Variants in CEP295 observed in about 807,000 individuals in gnomAD.
The protein encoded by CEP295 is centrosomal protein of 295 kDa.
A neutral mutation model predicts 291.6 loss-of-function variants in CEP295; 190 were observed. The ratio of observed to expected loss-of-function variants is 0.65; its 90% CI spans 0.58 to 0.73. CEP295 has a LOEUF of 0.73. Ranked by LOEUF, CEP295 falls within the 30% of genes least tolerant of loss-of-function variation. The pLI, the probability that CEP295 is intolerant of heterozygous loss-of-function variation, is 0.00. For missense variants in CEP295, 2,863 were observed against 2,949.4 expected (o/e 0.97, Z 0.68); for synonymous variants, 993 against 1,038.8 (o/e 0.96, Z 0.85).
At position 93,702,920 on chromosome 11, in the gene CEP295, G is replaced by A. The variant is rs1162991119; in HGVS notation, c.5596+1G>A. 4 of 1,524,330 alleles carry A rather than the reference G, an allele frequency of 2.6e-6. No homozygotes were observed. The East Asian group carries it at 7.4e-5, about 28-fold the overall frequency. 94.4% of individuals were successfully genotyped at this position (1,524,330 alleles called of 1,614,324 possible). On this transcript the variant is annotated splice_donor_variant, in intron 17 of 29. Coordinates refer to ENST00000325212, the MANE Select transcript of CEP295 (RefSeq NM_033395.2). LOFTEE classifies it high-confidence loss of function. Reference sequence around the variant, plus strand: ...GCAATTGGCAGAACTTCTATACTAGGTAAATAGATGCTTTGATAAAACAAG... The same window carrying A: ...GCAATTGGCAGAACTTCTATACTAGATAAATAGATGCTTTGATAAAACAAG...
In CEP295 at chr11:93,721,804, G is replaced by A. The variant is rs763149039; in HGVS notation, c.5851-150G>A. 4.2e-6 allele frequency: 3 copies of A among 719,554 alleles called. No homozygotes were observed. The Admixed American group carries it at 5.7e-5, about 14-fold the overall frequency. 44.6% of individuals were successfully genotyped at this position (719,554 alleles called of 1,614,324 possible). A position where few individuals can be genotyped will look rare whatever the true frequency, so the allele number is the denominator to read the frequency against. ...GAAAGCCTAATCATTTCTGGGCAAT[G>A]ATGAAAAGGTTTTACTACTGATCTT... On this transcript the variant is annotated intron_variant, in intron 19 of 29. Transcript: ENST00000325212.
At position 93,719,243 on chromosome 11, in the gene CEP295, C is replaced by CG. The variant is rs1397082823; in HGVS notation, c.5750-2066dup. ...GTGTGTGTGGGTTGTTTTTTTTTTC[C>CG]GGGTTTTTTTTTTTTTTCCTGTTTT... On this transcript the variant is annotated intron_variant, in intron 18 of 29. Coordinates refer to ENST00000325212, the MANE Select transcript of CEP295 (RefSeq NM_033395.2). Among the ~76,000 whole-genome samples, 184 of 126,624 alleles carry CG rather than the reference C, an allele frequency of 1.5e-3. 1 individual carries two copies. The highest frequency in any genetic ancestry group is 5.0e-3 in the African/African-American group (164 of 32,838). The allele number at this position is 126,624 out of a possible 152,430, so 83.1% of individuals were successfully genotyped here.
At position 93,724,722 on chromosome 11, in the gene CEP295, G is replaced by A. The variant is rs184924978; in HGVS notation, c.6318+347G>A. ...GTGGAGGCTGCAGTGAGCTGAGATC[G>A]TGCCACTACACTCCAGTCTGGGTGA... On this transcript the variant is annotated intron_variant, in intron 22 of 29. Transcript: ENST00000325212. Among the ~76,000 whole-genome samples, 752 of 152,026 alleles carry A rather than the reference G, an allele frequency of 4.9e-3. 10 individuals are homozygous for A. The highest frequency in any genetic ancestry group is 0.017 in the African/African-American group (691 of 41,480).
chr11:93,671,485 A>G (rs765358107), intron 5 of CEP295, among the ~76,000 whole-genome samples: 3 of 152,298 alleles, frequency 2.0e-5, no homozygotes, highest in Non-Finnish European at 4.4e-5. Flanking sequence ...GCCCCAGCAA[A>G]TGACCTAGGC....
intron 7 of CEP295, among the ~76,000 whole-genome samples, chr11:93,682,432 C>T (rs1442040972): frequency 1.3e-5 from 2 of 152,124 alleles, no homozygotes; most frequent in African/African-American, 2.4e-5. Context: ...CCATATTGGC[C>T]AGGCTGGCCT....
chr11:93,729,097 T>C, intron 25 of CEP295: 1 of 496,338 alleles, frequency 2.0e-6, no homozygotes, highest in East Asian at 3.2e-5. Context: ...AAGTTTTACC[T>C]AAACTTATTC....
At chr11:93,668,251 C>A (rs949310711) in intron 3 of CEP295, among the ~76,000 whole-genome samples, 1 of 152,106 alleles carries the variant, frequency 6.6e-6, no homozygotes, top group Admixed American at 6.6e-5. Flanking sequence ...ACTACAGTCC[C>A]AGAATCAGTC....
chr11:93,727,745 C>G, intron 24 of CEP295, 108 bp downstream of exon 24: 1 of 869,730 alleles, frequency 1.1e-6, no homozygotes, highest in Admixed American at 3.0e-5. Flanking sequence ...CCAGGCTGAA[C>G]TCAAACTCCT....
Position 93,697,187 on chromosome 11 carries a change from A to C in CEP295, c.2275A>C (p.Thr759Pro). 1 of 1,551,878 alleles carries C rather than the reference A, an allele frequency of 6.4e-7. No homozygotes were observed. Among genetic ancestry groups the C allele is most frequent in the Non-Finnish European group, 8.7e-7 (1 of 1,147,052 alleles). Residue 759 changes from threonine to proline, a missense_variant, in exon 15 of 30, where the codon ACT (threonine) becomes CCT (proline). By Grantham distance (38) the Thr-to-Pro change is conservative (BLOSUM62 -1). Transcript: ENST00000325212. The part of the protein sequence containing the change: ...RKISETFGAT[T>P]FQSLESQQLF... ...AATATCTGAAACATTTGGGGCAACA[A>C]CTTTTCAAAGTTTAGAATCCCAACA...
At chr11:93,729,365 T>C (rs1938013228) in intron 25 of CEP295, 69 bp from the exon 26 acceptor site, 2 of 1,071,240 alleles carry the variant, frequency 1.9e-6, no homozygotes, top group Admixed American at 4.0e-5. Flanking sequence ...TGCACTCTAA[T>C]CTGACAGCAG....
intron 5 of CEP295, among the ~76,000 whole-genome samples, chr11:93,671,446 G>C (rs953116904): frequency 6.6e-5 from 10 of 152,122 alleles, no homozygotes; most frequent in African/African-American, 2.4e-4. Context: ...TTGCGTCCCC[G>C]TGACTCCATG....
chr11:93,699,276 A>G lies in CEP295; in HGVS notation c.4364A>G (p.Asn1455Ser), dbSNP rs753718525. ...CATCTTGTTTTACCTCAACAAGATA[A>G]TTTGATTGCACTTGAAGAACACTTG... Reference protein sequence around the residue: ...LSHLVLPQQDNLIALEEHLHA... With the variant: ...LSHLVLPQQDSLIALEEHLHA... Residue 1455 changes from asparagine to serine, a missense_variant, in exon 15 of 30, where the codon AAT (asparagine) becomes AGT (serine). Physicochemically the swap from Asn to Ser is conservative, Grantham distance 46 (BLOSUM62 1). Around this residue, in one of 3 missense-constraint regions of CEP295, gnomAD observed 2,295 missense variants for 2,335.7 expected, o/e 0.98. Transcript: ENST00000325212. The G allele has an allele frequency of 6.4e-7, 1 of 1,551,916 alleles. No individual in the cohort carries two copies. Among genetic ancestry groups the G allele is most frequent in the South Asian group, 1.2e-5 (1 of 84,046 alleles).
In CEP295 at chr11:93,699,535, A is replaced by G. The variant is rs1952024459; in HGVS notation, c.4623A>G (p.Val1541=). 6.4e-7 allele frequency: 1 copy of G among 1,551,914 alleles called. No individual in the cohort carries two copies. Among genetic ancestry groups the G allele is most frequent in the East Asian group, 2.4e-5 (1 of 40,908 alleles). ...GATTAAGTGAATTGGAGAAAAGGGT[A>G]TCATCTGAACAAGTTTGCTCCTCTT... The part of the protein sequence containing the change: ...LQRLSELEKR[V]SSEQVCSSSF... The change falls in exon 15 of 30, where the codon GTA becomes GTG. Residue 1541 remains valine (V), a synonymous_variant. Transcript: ENST00000325212.
intron 5 of CEP295, among the ~76,000 whole-genome samples, chr11:93,674,904 G>A (rs1950618090): frequency 6.6e-6 from 1 of 152,122 alleles, no homozygotes; most frequent in East Asian, 1.9e-4. Flanking sequence ...CTTGTGTAAT[G>A]TTTAACACAT....
chr11:93,718,771 G>A (rs1953458118), intron 18 of CEP295, among the ~76,000 whole-genome samples: 1 of 152,184 alleles, frequency 6.6e-6, no homozygotes, highest in Non-Finnish European at 1.5e-5. Context: ...CAGCCAACCT[G>A]GGTGACAGAG....
chr11:93,726,812 C>A, intron 23 of CEP295, 164 bp from the exon 24 acceptor site: 1 of 496,088 alleles, frequency 2.0e-6, no homozygotes, highest in Non-Finnish European at 3.5e-6. Flanking sequence ...TTTGAGAAAT[C>A]ACTGTGACCA....
intron 17 of CEP295, 101 bp from the exon 18 acceptor site, chr11:93,706,644 T>C: frequency 1.0e-6 from 1 of 987,838 alleles, no homozygotes; most frequent in Non-Finnish European, 1.5e-6. Flanking sequence ...ATACAGTAAG[T>C]CTTTAAGAGC....
chr11:93,682,681 C>T (rs1471987133), intron 7 of CEP295, among the ~76,000 whole-genome samples: 1 of 151,882 alleles, frequency 6.6e-6, no homozygotes, highest in Non-Finnish European at 1.5e-5. Context: ...TGTATTGTGG[C>T]CTGGGACCTT....
Position 93,702,444 on chromosome 11 carries a change from A to G in CEP295, c.5275-16A>G, listed in dbSNP as rs1224327912. 12 of 1,508,908 alleles carry G rather than the reference A, an allele frequency of 8.0e-6. No individual in the cohort carries two copies. Among genetic ancestry groups the G allele is most frequent in the Non-Finnish European group, 1.1e-5 (12 of 1,128,890 alleles). The allele number at this position is 1,508,908 out of a possible 1,614,324, so 93.5% of individuals were successfully genotyped here. Reference sequence around the variant, plus strand: ...CCCCAACTTGTGCTTCCCCACCCTCATCTCCACTTTTTCAGATAAGTAAGC... The same window carrying G: ...CCCCAACTTGTGCTTCCCCACCCTCGTCTCCACTTTTTCAGATAAGTAAGC... On this transcript the variant is annotated splice_polypyrimidine_tract_variant and intron_variant, in intron 15 of 29. Coordinates refer to ENST00000325212, the MANE Select transcript of CEP295 (RefSeq NM_033395.2).
Sources: gnomAD v4.1 joint callset for allele counts (sites outside exome capture counted in the v4.1 genomes callset) on GRCh38, gnomAD v4.1.1 for gene constraint, gnomAD v4.1.1 regional missense constraint, MANE v1.5 for transcripts, NCBI Gene and HGNC (gene_info 2026-07-23, HGNC 2026-07-21) for gene names.